The following HIF1A variants were observed in gnomAD, a reference collection of about 807,000 sequenced individuals.
HIF1A encodes hypoxia-inducible factor 1-alpha.
HIF1A carries 24 observed loss-of-function variants against 92.7 expected under a neutral mutation model. That is an observed-to-expected ratio of 0.26 (90% CI 0.19 to 0.36). HIF1A has a LOEUF of 0.36. HIF1A is among the 10% of genes least tolerant of loss of function. The probability of loss-of-function intolerance (pLI) is 1.00; values close to 1 mark genes in which losing one functional copy is unlikely to be tolerated. For missense variants in HIF1A, 799 were observed against 998.5 expected (o/e 0.80, Z 2.69); for synonymous variants, 319 against 338.7 (o/e 0.94, Z 0.64).
rs1199119871 is a variant in HIF1A at position 61,747,315 on chromosome 14, C to G, written c.*230C>G. 8.6e-6 allele frequency: 3 copies of G among 349,874 alleles called. No individual in the cohort carries two copies. Among genetic ancestry groups the G allele is most frequent in the African/African-American group, 6.3e-5 (3 of 47,404 alleles). 21.7% of individuals were successfully genotyped at this position (349,874 alleles called of 1,614,324 possible). On this transcript the variant is annotated 3_prime_UTR_variant, in exon 15 of 15. Coordinates refer to ENST00000337138, the MANE Select transcript of HIF1A (RefSeq NM_001530.4). Reference sequence around the variant, plus strand: ...TTTTCTCAGTTTTTTGGTATTTAAACCATTGCATTGCAGTAGCATCATTTT... The same window carrying G: ...TTTTCTCAGTTTTTTGGTATTTAAAGCATTGCATTGCAGTAGCATCATTTT...
Position 61,747,102 on chromosome 14 carries a change from A to C in HIF1A, c.*17A>C. 1.3e-6 allele frequency: 2 copies of C among 1,593,776 alleles called. No individual in the cohort carries two copies. The highest frequency in any genetic ancestry group is 1.7e-6 in the Non-Finnish European group (2 of 1,173,606). On this transcript the variant is annotated 3_prime_UTR_variant, in exon 15 of 15. Coordinates refer to ENST00000337138, the MANE Select transcript of HIF1A (RefSeq NM_001530.4). Reference sequence around the variant, plus strand: ...GTTAACTGAGCTTTTTCTTAATTTCATTCCTTTTTTTGGACACTGGTGGCT... The same window carrying C: ...GTTAACTGAGCTTTTTCTTAATTTCCTTCCTTTTTTTGGACACTGGTGGCT...
chr14:61,717,364 T>C (rs2044375206), intron 1 of HIF1A, among the ~76,000 whole-genome samples: 1 of 152,222 alleles, frequency 6.6e-6, no homozygotes, highest in Admixed American at 6.5e-5. Flanking sequence ...TAGTCACATA[T>C]GAAGAATATC....
chr14:61,702,008 C>A (rs534419563), intron 1 of HIF1A, among the ~76,000 whole-genome samples: 2 of 151,894 alleles, frequency 1.3e-5, no homozygotes, highest in South Asian at 2.1e-4. Flanking sequence ...AAAAAGAAAT[C>A]TGTGGTGTGA....
chr14:61,742,664 T>C (rs937372130), intron 12 of HIF1A, among the ~76,000 whole-genome samples: 7 of 151,914 alleles, frequency 4.6e-5, no homozygotes, highest in Non-Finnish European at 1.0e-4. Context: ...AGCGGGTGGA[T>C]CACCTGAGGC....
intron 1 of HIF1A, among the ~76,000 whole-genome samples, chr14:61,710,390 T>C (rs1219755710): frequency 6.6e-6 from 1 of 152,200 alleles, no homozygotes; most frequent in Non-Finnish European, 1.5e-5. Flanking sequence ...TTGCACCGTG[T>C]CCTGTTCTGG....
rs142995295 is a variant in HIF1A, at chr14:61,701,577, T to C, written c.35+5738T>C. 2.1e-3 allele frequency among the ~76,000 whole-genome samples: 322 copies of C among 152,336 alleles called. 4 individuals carry two copies. The highest frequency in any genetic ancestry group is 7.4e-3 in the African/African-American group (307 of 41,578). The stretch of plus-strand genomic sequence containing the variant: ...TGAGGGTTGGGATACGTTTCTGTTC[T>C]TAAGAGTCTTGTAAATTCAGATGCT... On this transcript the variant is annotated intron_variant, in intron 1 of 14. Transcript: ENST00000337138.
chr14:61,695,685 G>T lies in HIF1A; in HGVS notation c.-120G>T, dbSNP rs1401211921. On this transcript the variant is annotated 5_prime_UTR_variant, in exon 1 of 15. Transcript: ENST00000337138. ...AGTCTCACGAGGGGTTTCCCGCCTC[G>T]CACCCCCACCTCTGGACTTGCCTTT... 3 of 1,082,712 alleles carry T rather than the reference G, an allele frequency of 2.8e-6. No individual in the cohort carries two copies. The highest frequency in any genetic ancestry group is 4.0e-6 in the Non-Finnish European group (3 of 758,448). 67.1% of individuals were successfully genotyped at this position (1,082,712 alleles called of 1,614,324 possible).
rs1280136388 is a variant in HIF1A at position 61,713,067 on chromosome 14, T to C, written c.36-7315T>C. On this transcript the variant is annotated intron_variant, in intron 1 of 14. Coordinates refer to ENST00000337138, the MANE Select transcript of HIF1A (RefSeq NM_001530.4). ...GGAATGGTACCCCAGGCAGAAGGAGTAGAGTAAGCAAGCCAGAAAGGAAAT... is the reference window on the plus strand; with the variant it reads ...GGAATGGTACCCCAGGCAGAAGGAGCAGAGTAAGCAAGCCAGAAAGGAAAT... 3.3e-5 allele frequency among the ~76,000 whole-genome samples: 5 copies of C among 150,208 alleles called. No individual in the cohort carries two copies. In the South Asian group the frequency reaches 1.1e-3, roughly 32 times the overall value.
intron 7 of HIF1A, 45 bp from the exon 8 acceptor site, chr14:61,734,093 G>A: frequency 7.3e-7 from 1 of 1,363,280 alleles, no homozygotes; most frequent in South Asian, 1.6e-5. Context: ...AAAATTCAAA[G>A]TTAAAATATT....
chr14:61,730,799 G>A (rs2044567495), intron 6 of HIF1A, among the ~76,000 whole-genome samples: 1 of 152,142 alleles, frequency 6.6e-6, no homozygotes, highest in Non-Finnish European at 1.5e-5. Flanking sequence ...GCACACATAG[G>A]CATATTAAGA....
chr14:61,738,186 T>C lies in HIF1A; in HGVS notation c.1349T>C (p.Met450Thr). 6.2e-7 allele frequency: 1 copy of C among 1,614,130 alleles called. No homozygotes were observed. Among genetic ancestry groups the C allele is most frequent in the Non-Finnish European group, 8.5e-7 (1 of 1,180,016 alleles). Residue 450 changes from methionine (M) to threonine (T), a missense_variant, in exon 10 of 15, where the codon ATG becomes ACG. By Grantham distance (81) the Met-to-Thr change is moderately conservative. Around this residue, in one of 2 missense-constraint regions of HIF1A, gnomAD observed 516 missense variants for 721.0 expected, o/e 0.72. Coordinates refer to ENST00000337138, the MANE Select transcript of HIF1A (RefSeq NM_001530.4). ...NEKLQNINLA[M>T]SPLPTAETPK... ...AAATTACAGAATATAAATTTGGCAA[T>C]GTCTCCATTACCCACCGCTGAAACG...
intron 1 of HIF1A, chr14:61,697,918 A>T: frequency 6.6e-7 from 1 of 1,523,532 alleles, no homozygotes; most frequent in Admixed American, 2.0e-5. Context: ...GGAAACTCAA[A>T]ACCTGAAGAA....
chr14:61,710,889 T>C (rs190823162), intron 1 of HIF1A, among the ~76,000 whole-genome samples: 5 of 151,910 alleles, frequency 3.3e-5, no homozygotes, highest in Admixed American at 6.6e-5. Flanking sequence ...TGAAACCCCA[T>C]CTCTAGTAAA....
intron 1 of HIF1A, among the ~76,000 whole-genome samples, chr14:61,705,829 T>C (rs1373673926): frequency 3.9e-5 from 6 of 152,184 alleles, no homozygotes; most frequent in African/African-American, 1.4e-4. Flanking sequence ...ACAGAGACTC[T>C]TGCTTTAGGA....
At position 61,745,762 on chromosome 14, in the gene HIF1A, C is replaced by T; in HGVS notation, c.2274C>T (p.Cys758=). 1.9e-6 allele frequency: 3 copies of T among 1,611,252 alleles called. No individual in the cohort carries two copies. Among genetic ancestry groups the T allele is most frequent in the Non-Finnish European group, 2.5e-6 (3 of 1,177,468 alleles). The change falls in exon 14 of 15, where the codon TGC becomes TGT. Residue 758 remains cysteine, a synonymous_variant. Coordinates refer to ENST00000337138, the MANE Select transcript of HIF1A (RefSeq NM_001530.4). The part of the protein sequence containing the change: ...TSLSWKRVKG[C]KSSEQNGMEQ... ...TTTCTTGGAAACGTGTAAAAGGATG[C>T]AAATCTAGTGAACAGAATGGAATGG...
At chr14:61,722,241 T>C (rs1278912507) in intron 4 of HIF1A, among the ~76,000 whole-genome samples, 2 of 152,100 alleles carry the variant, frequency 1.3e-5, no homozygotes, top group Admixed American at 1.3e-4. Flanking sequence ...CGTGCTACCA[T>C]GCCCAGCTAA....
chr14:61,710,119 A>G (rs1423815392), intron 1 of HIF1A, among the ~76,000 whole-genome samples: 3 of 151,970 alleles, frequency 2.0e-5, no homozygotes, highest in Admixed American at 6.6e-5. Context: ...ATCATACTCA[A>G]TTTTTTTTGT....
chr14:61,745,812 C>A lies in HIF1A; in HGVS notation c.2324C>A (p.Pro775His). 1 of 1,606,624 alleles carries A rather than the reference C, an allele frequency of 6.2e-7. No homozygotes were observed. The highest frequency in any genetic ancestry group is 8.5e-7 in the Non-Finnish European group (1 of 1,176,082). Residue 775 changes from proline to histidine, a missense_variant, in exon 14 of 15, where the codon CCC becomes CAC. Coordinates refer to ENST00000337138, the MANE Select transcript of HIF1A (RefSeq NM_001530.4). ...GAGCAAAAGACAATTATTTTAATAC[C>A]CTCTGGTTAGTTTATTCTTTTTGAC... Reference protein sequence around the residue: ...GMEQKTIILIPSDLACRLLGQ... With the variant: ...GMEQKTIILIHSDLACRLLGQ...
chr14:61,728,552 C>T (rs1251225196), intron 6 of HIF1A, among the ~76,000 whole-genome samples: 2 of 152,226 alleles, frequency 1.3e-5, no homozygotes, highest in Non-Finnish European at 2.9e-5. Flanking sequence ...TGGTTTAATA[C>T]ACCACCATAC....
Sources: allele counts gnomAD v4.1 joint callset (sites outside exome capture counted in the v4.1 genomes callset), GRCh38; gene constraint gnomAD v4.1.1; regional missense constraint gnomAD v4.1.1; transcripts MANE v1.5; gene names NCBI Gene and HGNC (gene_info 2026-07-23, HGNC 2026-07-21).